SLC10A7: variants seen among roughly 807,000 people sequenced by gnomAD.
SLC10A7 encodes the protein solute carrier family 10 member 7.
Under a neutral mutation model 43.2 loss-of-function variants are expected in SLC10A7, and 29 were observed. That is an observed-to-expected ratio of 0.67 (90% CI 0.50 to 0.92). The LOEUF (loss-of-function observed/expected upper bound fraction) is 0.92, where lower values mean the gene tolerates loss of function less well. SLC10A7 is among the 40% of genes least tolerant of loss of function. The pLI is 0.00. For missense variants in SLC10A7, 295 were observed against 403.2 expected (o/e 0.73, Z 2.30); for synonymous variants, 152 against 144.8 (o/e 1.05, Z -0.35).
At chr4:146,369,140 C>G (rs1168355443) in intron 5 of SLC10A7, among the ~76,000 whole-genome samples, 11 of 152,112 alleles carry the variant, frequency 7.2e-5, no homozygotes, top group Admixed American at 4.6e-4. Context: ...GTATATTCCT[C>G]CAGCAGGTAT....
intron 10 of SLC10A7, among the ~76,000 whole-genome samples, chr4:146,280,599 GCCTAT>G (rs1729488341): frequency 6.6e-6 from 1 of 152,170 alleles, no homozygotes; most frequent in Admixed American, 6.6e-5. Flanking sequence ...CACTGTCATG[GCCTAT>G]CCTCTGTACC....
chr4:146,308,674 T>A (rs570702791), intron 6 of SLC10A7, among the ~76,000 whole-genome samples: 1 of 152,254 alleles, frequency 6.6e-6, no homozygotes, highest in African/African-American at 2.4e-5. Flanking sequence ...TGCCCTGGAC[T>A]TCATTGAGCC....
chr4:146,414,476 C>T (rs1042172397), intron 5 of SLC10A7, among the ~76,000 whole-genome samples: 4 of 152,116 alleles, frequency 2.6e-5, no homozygotes, highest in African/African-American at 9.7e-5. Flanking sequence ...GTAATCCCAG[C>T]ACTTTGGGAA....
chr4:146,272,223 A>G (rs78370190), intron 10 of SLC10A7, among the ~76,000 whole-genome samples: 1,599 of 152,326 alleles, frequency 0.01, 13 homozygotes, highest in Non-Finnish European at 0.017. Flanking sequence ...AACTTGTAGC[A>G]AAGGCAGCCC....
intron 4 of SLC10A7, among the ~76,000 whole-genome samples, chr4:146,456,240 G>T (rs4835309): frequency 6.6e-6 from 1 of 151,704 alleles, no homozygotes; most frequent in Non-Finnish European, 1.5e-5. Context: ...ATCAAACCTG[G>T]GCCTTTGAAA....
chr4:146,350,180 G>T (rs1288941690), intron 5 of SLC10A7, among the ~76,000 whole-genome samples: 1 of 140,996 alleles, frequency 7.1e-6, no homozygotes, highest in African/African-American at 2.7e-5. Context: ...TGCGCGCACC[G>T]TGCGCTAGCC....
chr4:146,475,790 T>A (rs1733974912), intron 4 of SLC10A7, among the ~76,000 whole-genome samples: 1 of 152,226 alleles, frequency 6.6e-6, no homozygotes, highest in South Asian at 2.1e-4. Context: ...AAAAAGATTT[T>A]AAGACTGTAT....
At chr4:146,444,481 TATC>T (rs1432118070) in intron 4 of SLC10A7, among the ~76,000 whole-genome samples, 1 of 152,166 alleles carries the variant, frequency 6.6e-6, no homozygotes, top group Non-Finnish European at 1.5e-5. Flanking sequence ...TGACAAATAA[TATC>T]ATACTCATAA....
chr4:146,348,373 A>G (rs1302959584), intron 5 of SLC10A7, among the ~76,000 whole-genome samples: 2 of 152,196 alleles, frequency 1.3e-5, no homozygotes, highest in African/African-American at 2.4e-5. Flanking sequence ...ATTTCAATAA[A>G]TTTAGTTTTA....
At chr4:146,321,453 A>C (rs1312111412) in intron 6 of SLC10A7, among the ~76,000 whole-genome samples, 2 of 152,072 alleles carry the variant, frequency 1.3e-5, no homozygotes, top group Non-Finnish European at 1.5e-5. Context: ...CCTCATCTTA[A>C]CTAATTACTT....
chr4:146,468,846 C>G (rs554753441), intron 4 of SLC10A7, among the ~76,000 whole-genome samples: 1 of 152,030 alleles, frequency 6.6e-6, no homozygotes, highest in East Asian at 1.9e-4. Flanking sequence ...GTGGGGGGTA[C>G]TTCTTTGTTA....
chr4:146,322,318 C>T (rs762395967), intron 6 of SLC10A7, among the ~76,000 whole-genome samples: 7 of 151,090 alleles, frequency 4.6e-5, no homozygotes, highest in Non-Finnish European at 8.8e-5. Flanking sequence ...TGTGCTACAC[C>T]CATTAACTCA....
intron 5 of SLC10A7, among the ~76,000 whole-genome samples, chr4:146,398,903 C>T (rs1156422432): frequency 6.6e-6 from 1 of 152,170 alleles, no homozygotes; most frequent in Non-Finnish European, 1.5e-5. Context: ...AGGTGCCAGG[C>T]ACTGTGTAAG....
At chr4:146,289,575 G>T (rs1275998345) in intron 9 of SLC10A7, among the ~76,000 whole-genome samples, 1 of 151,866 alleles carries the variant, frequency 6.6e-6, no homozygotes, top group Non-Finnish European at 1.5e-5. Context: ...CAAAGTTGCA[G>T]AATGGTTAGG....
chr4:146,375,282 T>C (rs1367834997), intron 5 of SLC10A7, among the ~76,000 whole-genome samples: 1 of 152,124 alleles, frequency 6.6e-6, no homozygotes. Context: ...AGGAGCTTAA[T>C]AATGAAAGAC....
intron 5 of SLC10A7, among the ~76,000 whole-genome samples, chr4:146,407,408 T>C (rs1727799032): frequency 6.6e-6 from 1 of 152,212 alleles, no homozygotes; most frequent in Non-Finnish European, 1.5e-5. Context: ...ACATGAGATC[T>C]ACGCTCTTTA....
At chr4:146,348,737 G>A (rs1041117834) in intron 5 of SLC10A7, among the ~76,000 whole-genome samples, 28 of 152,056 alleles carry the variant, frequency 1.8e-4, no homozygotes, top group African/African-American at 6.0e-4. Context: ...CACTTTCTGG[G>A]TAGAATTTTT....
chr4:146,275,888 TCA>T (rs1170464563), intron 10 of SLC10A7, among the ~76,000 whole-genome samples: 1 of 151,978 alleles, frequency 6.6e-6, no homozygotes, highest in Non-Finnish European at 1.5e-5. Flanking sequence ...TTAGGTGCTC[TCA>T]GAGCACCTTG....
chr4:146,468,998 G>A lies in SLC10A7; in HGVS notation c.397-26177C>T, dbSNP rs115660075. Among the ~76,000 whole-genome samples, 1,479 of 152,168 alleles carry A rather than the reference G, an allele frequency of 9.7e-3. 5 individuals carry two copies. The highest frequency in any genetic ancestry group is 0.017 in the South Asian group (83 of 4,820). ...AGAAGGTCTTCACAGTTCTAATTAG[G>A]ATTGCAGTTTGGATTAAAAAGAATC... is the stretch of plus-strand genomic sequence containing the variant. On this transcript the variant is annotated intron_variant, in intron 4 of 11. Coordinates refer to ENST00000335472, the MANE Select transcript of SLC10A7 (RefSeq NM_001029998.6).
Sources: allele counts gnomAD v4.1 joint callset (sites outside exome capture counted in the v4.1 genomes callset), GRCh38; gene constraint gnomAD v4.1.1; transcripts MANE v1.5; gene names NCBI Gene and HGNC (gene_info 2026-07-23, HGNC 2026-07-21).